The following CSMD1 variants were observed in gnomAD, a reference collection of about 807,000 sequenced individuals.
CSMD1 encodes the protein CUB and sushi domain-containing protein 1.
A neutral mutation model predicts 417.5 loss-of-function variants in CSMD1; 213 were observed. The observed-to-expected ratio is 0.51, with a 90% CI of 0.46 to 0.57. The LOEUF is 0.57. CSMD1 is among the 20% of genes least tolerant of loss of function. The pLI, the probability that CSMD1 is intolerant of heterozygous loss-of-function variation, is 0.00. For synonymous variants in CSMD1, 2,862 were observed against 1,736.8 expected (o/e 1.65, Z -16.11); for missense variants, 6,923 against 4,529.7 (o/e 1.53, Z -15.17).
At chr8:3,309,185 G>A (rs1386937468) in intron 23 of CSMD1, among the ~76,000 whole-genome samples, 1 of 152,122 alleles carries the variant, frequency 6.6e-6, no homozygotes, top group Non-Finnish European at 1.5e-5. Context: ...GACCTCCAAG[G>A]AAGAGGGGCC....
intron 52 of CSMD1, among the ~76,000 whole-genome samples, chr8:3,014,102 G>A (rs1338376481): frequency 1.3e-5 from 2 of 152,008 alleles, no homozygotes; most frequent in African/African-American, 4.8e-5. Context: ...TATTTTGTTT[G>A]TCCTATCGTG....
At chr8:4,118,134 G>A (rs1322402133) in intron 3 of CSMD1, among the ~76,000 whole-genome samples, 1 of 152,056 alleles carries the variant, frequency 6.6e-6, no homozygotes, top group East Asian at 1.9e-4. Context: ...TGAGGAAACG[G>A]CCCTTGGCAG....
At chr8:3,686,429 G>T (rs568797087) in intron 7 of CSMD1, among the ~76,000 whole-genome samples, 15 of 152,202 alleles carry the variant, frequency 9.9e-5, no homozygotes, top group Admixed American at 9.2e-4. Flanking sequence ...ATTTGCTGGT[G>T]GATGGGTTAA....
intron 1 of CSMD1, among the ~76,000 whole-genome samples, chr8:4,976,130 G>T (rs1398511324): frequency 2.6e-5 from 4 of 152,072 alleles, no homozygotes; most frequent in African/African-American, 9.7e-5. Context: ...TGGACATAAG[G>T]GAAGAACAGA....
At chr8:4,814,544 GATTA>G (rs1469560837) in intron 1 of CSMD1, among the ~76,000 whole-genome samples, 1 of 152,172 alleles carries the variant, frequency 6.6e-6, no homozygotes, top group African/African-American at 2.4e-5. Flanking sequence ...AATAATAATA[GATTA>G]ATTATAGCCC....
intron 12 of CSMD1, among the ~76,000 whole-genome samples, chr8:3,431,350 G>C (rs928100522): frequency 1.3e-5 from 2 of 152,156 alleles, no homozygotes; most frequent in African/African-American, 2.4e-5. Flanking sequence ...AACTTGGAGA[G>C]TGAAAATTTT....
chr8:4,666,258 A>C (rs754226669), intron 1 of CSMD1, among the ~76,000 whole-genome samples: 1 of 152,198 alleles, frequency 6.6e-6, no homozygotes, highest in Non-Finnish European at 1.5e-5. Flanking sequence ...TAACAGATGG[A>C]ATCACGGTTG....
At position 3,289,020 on chromosome 8, in the gene CSMD1, C is replaced by T. The variant is rs539499330; in HGVS notation, c.3951-4674G>A. ...GTCCCCGGTGTGTGATGTTCCCCTT[C>T]CTGTGTCCGTGTGTTCTCATTGTTC... On this transcript the variant is annotated intron_variant, in intron 25 of 69. Coordinates refer to ENST00000635120, the MANE Select transcript of CSMD1 (RefSeq NM_033225.6). Among the ~76,000 whole-genome samples the T allele has an allele frequency of 1.4e-3, 155 of 109,434 alleles. 29 individuals are homozygous for T. The highest frequency in any genetic ancestry group is 6.5e-3 in the African/African-American group (146 of 22,632). The allele number at this position is 109,434 out of a possible 152,430, so 71.8% of individuals were successfully genotyped here.
chr8:4,972,524 G>C (rs114350238), intron 1 of CSMD1, among the ~76,000 whole-genome samples: 105 of 152,206 alleles, frequency 6.9e-4, no homozygotes, highest in Middle Eastern at 3.4e-3. Context: ...TGCCATGATT[G>C]TAAGTTTCCT....
chr8:4,193,541 C>A (rs530207700), intron 3 of CSMD1, among the ~76,000 whole-genome samples: 1 of 152,144 alleles, frequency 6.6e-6, no homozygotes, highest in African/African-American at 2.4e-5. Context: ...CTGAAGAGGT[C>A]TGAGTCACAA....
At chr8:4,730,032 T>G (rs1351993473) in intron 1 of CSMD1, among the ~76,000 whole-genome samples, 1 of 152,150 alleles carries the variant, frequency 6.6e-6, no homozygotes, top group Non-Finnish European at 1.5e-5. Context: ...TGCTCCCATG[T>G]TAATGTTTTA....
At chr8:3,999,247 G>A (rs1815469021) in intron 4 of CSMD1, among the ~76,000 whole-genome samples, 1 of 151,806 alleles carries the variant, frequency 6.6e-6, no homozygotes, top group East Asian at 1.9e-4. Flanking sequence ...TGGATGATAT[G>A]TAAAAGTCAG....
intron 26 of CSMD1, among the ~76,000 whole-genome samples, chr8:3,267,991 C>T (rs1162026690): frequency 2.0e-5 from 3 of 152,102 alleles, no homozygotes; most frequent in Admixed American, 6.5e-5. Context: ...GGTCATTGCC[C>T]TGTGTGGGCT....
intron 1 of CSMD1, among the ~76,000 whole-genome samples, chr8:4,682,917 A>C (rs943140651): frequency 2.1e-5 from 3 of 143,574 alleles, no homozygotes; most frequent in Admixed American, 7.0e-5. Context: ...TTTTTAGAGA[A>C]ATGTTTCTCT....
At position 3,427,454 on chromosome 8, in the gene CSMD1, A is replaced by G. The variant is rs73657900; in HGVS notation, c.1562-17849T>C. Among the ~76,000 whole-genome samples, 664 of 152,252 alleles carry G rather than the reference A, an allele frequency of 4.4e-3. 4 individuals are homozygous for G. The highest frequency in any genetic ancestry group is 0.015 in the African/African-American group (616 of 41,558). On this transcript the variant is annotated intron_variant, in intron 12 of 69. Transcript: ENST00000635120. ...TAATGATTCCACAATTCCTATATAT[A>G]TATTTTTGAAACCTTTAAAATGAAG...
chr8:4,662,046 G>A (rs1026611335), intron 1 of CSMD1, among the ~76,000 whole-genome samples: 3 of 152,124 alleles, frequency 2.0e-5, no homozygotes, highest in East Asian at 1.9e-4. Context: ...GGTCAATGAT[G>A]TAACTGTGTT....
intron 36 of CSMD1, among the ~76,000 whole-genome samples, chr8:3,184,493 T>C (rs1309332793): frequency 1.3e-5 from 2 of 152,206 alleles, no homozygotes; most frequent in Admixed American, 6.5e-5. Flanking sequence ...TCTGCTCTTA[T>C]CACATTCATC....
At chr8:3,807,843 A>G (rs1236564251) in intron 5 of CSMD1, among the ~76,000 whole-genome samples, 1 of 152,174 alleles carries the variant, frequency 6.6e-6, no homozygotes, top group Non-Finnish European at 1.5e-5. Flanking sequence ...TTACAAATGG[A>G]ATGACTGTGC....
intron 3 of CSMD1, among the ~76,000 whole-genome samples, chr8:4,237,169 G>C (rs1357449384): frequency 2.0e-5 from 3 of 152,136 alleles, no homozygotes; most frequent in Admixed American, 6.5e-5. Flanking sequence ...AACTCATCAA[G>C]CTCCCTTCGC....
Sources: gnomAD v4.1 joint callset for allele counts (sites outside exome capture counted in the v4.1 genomes callset) on GRCh38, gnomAD v4.1.1 for gene constraint, MANE v1.5 for transcripts, NCBI Gene and HGNC (gene_info 2026-07-23, HGNC 2026-07-21) for gene names.